CAMK2A: variants seen among roughly 807,000 people sequenced by gnomAD.
The protein encoded by CAMK2A is calcium/calmodulin-dependent protein kinase type II subunit alpha.
A neutral mutation model predicts 79.2 loss-of-function variants in CAMK2A; 7 were observed. The ratio of observed to expected loss-of-function variants is 0.09; its 90% CI spans 0.05 to 0.17. The LOEUF (loss-of-function observed/expected upper bound fraction) is 0.17, where lower values mean the gene tolerates loss of function less well. Ranked by LOEUF, CAMK2A falls within the 10% of genes least tolerant of loss-of-function variation. The pLI is 1.00. For missense variants in CAMK2A, 214 were observed against 646.4 expected, an observed-to-expected ratio of 0.33 and a Z score of 7.25; for synonymous variants, 242 against 251.7, an observed-to-expected ratio of 0.96 and a Z score of 0.36.
intron 6 of CAMK2A, among the ~76,000 whole-genome samples, chr5:150,254,008 G>A (rs1755949321): frequency 6.6e-6 from 1 of 152,184 alleles, no homozygotes; most frequent in African/African-American, 2.4e-5. Context: ...TATGCCCCTT[G>A]AAACAGTCCA....
At chr5:150,288,566 A>G (rs891048104) in intron 1 of CAMK2A, among the ~76,000 whole-genome samples, 1 of 152,170 alleles carries the variant, frequency 6.6e-6, no homozygotes, top group Non-Finnish European at 1.5e-5. Flanking sequence ...ACACACATTC[A>G]GAACTCACAC....
intron 1 of CAMK2A, among the ~76,000 whole-genome samples, chr5:150,280,433 A>G (rs1223628680): frequency 1.3e-5 from 2 of 151,850 alleles, no homozygotes; most frequent in Non-Finnish European, 2.9e-5. Flanking sequence ...AAACAAAACA[A>G]CCGAGAACCT....
At chr5:150,233,823 A>T (rs1193554826) in intron 15 of CAMK2A, among the ~76,000 whole-genome samples, 1 of 151,688 alleles carries the variant, frequency 6.6e-6, no homozygotes, top group African/African-American at 2.4e-5. Context: ...TTTGTTTTTC[A>T]TTTTTTTGAG....
chr5:150,257,567 C>T lies in CAMK2A; in HGVS notation c.268G>A (p.Asp90Asn). Residue 90 changes from aspartate (D) to asparagine (N), a missense_variant, in exon 4 of 19, where the codon GAC becomes AAC. Physicochemically the swap from Asp to Asn is conservative, Grantham distance 23. Coordinates refer to ENST00000671881, the MANE Select transcript of CAMK2A (RefSeq NM_015981.4). ...CCAGGGCGGGGCCAAACTCACAGGT[C>T]GAAGATCAGGTAGTGGTGTCCCTCC... ...SEEGHHYLIF[D>N]LVTGGELFED... The T allele has an allele frequency of 6.4e-7, 1 of 1,567,468 alleles. No homozygotes were observed. Among genetic ancestry groups the T allele is most frequent in the Non-Finnish European group, 8.6e-7 (1 of 1,156,118 alleles).
intron 12 of CAMK2A, among the ~76,000 whole-genome samples, chr5:150,247,470 C>T (rs992044939): frequency 1.3e-5 from 2 of 152,246 alleles, no homozygotes; most frequent in African/African-American, 4.8e-5. Flanking sequence ...AACTCAATCC[C>T]CTGCAATCAG....
At chr5:150,243,770 T>A (rs952436152) in intron 13 of CAMK2A, among the ~76,000 whole-genome samples, 4 of 152,278 alleles carry the variant, frequency 2.6e-5, no homozygotes, top group African/African-American at 9.6e-5. Flanking sequence ...GAGGTGGAGA[T>A]CTCTTTTAAC....
chr5:150,263,331 AAC>A (rs908422034), intron 3 of CAMK2A, among the ~76,000 whole-genome samples: 7 of 151,962 alleles, frequency 4.6e-5, no homozygotes, highest in Admixed American at 2.0e-4. Context: ...GTTGTGCAGC[AAC>A]ACACACACAC....
At chr5:150,287,937 C>CTGTTTG (rs1554125200) in intron 1 of CAMK2A, among the ~76,000 whole-genome samples, 2 of 140,776 alleles carry the variant, frequency 1.4e-5, no homozygotes, top group East Asian at 4.3e-4. Context: ...AGGATAGCCT[C>CTGTTTG]TGTGTGTGTG....
In CAMK2A at chr5:150,264,977, G is replaced by T; in HGVS notation, c.196C>A (p.Leu66Met). ...TCACCGATGTTGGGGTGCTTCAGCA[G>T]GCGGCAGATGCGGGCTTCACGCTCC... is the stretch of plus-strand genomic sequence containing the variant. ...KLEREARICR[L>M]LKHPNIVRLH... The change falls in exon 3 of 19, where the codon CTG becomes ATG. Residue 66 changes from leucine to methionine, a missense_variant. This residue lies in a region of CAMK2A where 72 missense variants were observed against 333.9 expected (regional missense o/e 0.22). Coordinates refer to ENST00000671881, the MANE Select transcript of CAMK2A (RefSeq NM_015981.4). 6.2e-7 allele frequency: 1 copy of T among 1,614,068 alleles called. No homozygotes were observed. Among genetic ancestry groups the T allele is most frequent in the African/African-American group, 1.3e-5 (1 of 75,048 alleles).
chr5:150,222,960 C>T (rs768303500), intron 18 of CAMK2A, 29 bp downstream of exon 18: 2 of 1,594,170 alleles, frequency 1.3e-6, no homozygotes, highest in Admixed American at 1.7e-5. Flanking sequence ...TTTACATTAC[C>T]CTGGGAGGCA....
chr5:150,241,374 CCT>C (rs1437293436), intron 13 of CAMK2A, among the ~76,000 whole-genome samples: 14 of 146,552 alleles, frequency 9.6e-5, no homozygotes, highest in African/African-American at 2.5e-4. Context: ...CCTCTCTTCC[CCT>C]GTCTCCTTCC....
Position 150,225,136 on chromosome 5 carries a change from A to G in CAMK2A, c.1238-1919T>C, listed in dbSNP as rs113229014. Among the ~76,000 whole-genome samples, 623 of 151,834 alleles carry G rather than the reference A, an allele frequency of 4.1e-3. 6 individuals are homozygous for G. The highest frequency in any genetic ancestry group is 4.5e-3 in the Non-Finnish European group (308 of 67,964). On this transcript the variant is annotated intron_variant, in intron 17 of 18. Coordinates refer to ENST00000671881, the MANE Select transcript of CAMK2A (RefSeq NM_015981.4). ...ATTAAAAAAAAAAAAGTCAGTTTCCAAGTGAGACTGCATTAGAACAATCTA... is the reference window on the plus strand; with the variant it reads ...ATTAAAAAAAAAAAAGTCAGTTTCCGAGTGAGACTGCATTAGAACAATCTA...
Position 150,228,186 on chromosome 5 carries a change from G to A in CAMK2A, c.1237+6C>T. The stretch of plus-strand genomic sequence containing the variant: ...ACAGGCACCACAGAGAGAAGGAATT[G>A]CTCACGGTTTTCAAAATAGAATCGA... On this transcript the variant is annotated splice_donor_region_variant and intron_variant, in intron 17 of 18. Coordinates refer to ENST00000671881, the MANE Select transcript of CAMK2A (RefSeq NM_015981.4). The A allele has an allele frequency of 6.2e-7, 1 of 1,609,458 alleles. No individual in the cohort carries two copies. The highest frequency in any genetic ancestry group is 8.5e-7 in the Non-Finnish European group (1 of 1,176,220).
chr5:150,263,438 AT>A (rs1385912739), intron 3 of CAMK2A, among the ~76,000 whole-genome samples: 3 of 151,418 alleles, frequency 2.0e-5, no homozygotes, highest in Non-Finnish European at 4.4e-5. Context: ...TCACACACAC[AT>A]TCACACACTC....
intron 2 of CAMK2A, among the ~76,000 whole-genome samples, chr5:150,268,854 G>A (rs1756620018): frequency 6.6e-6 from 1 of 152,100 alleles, no homozygotes; most frequent in Non-Finnish European, 1.5e-5. Context: ...CTACTTCCTG[G>A]GCTCAGGTGA....
intron 15 of CAMK2A, among the ~76,000 whole-genome samples, chr5:150,232,641 G>A (rs573801693): frequency 6.6e-6 from 1 of 152,164 alleles, no homozygotes; most frequent in Non-Finnish European, 1.5e-5. Context: ...GTTGTCTCAG[G>A]TGAATAGATG....
rs763747605 is a variant in CAMK2A, at chr5:150,223,255, C to G, written c.1238-38G>C. 5.2e-6 allele frequency: 8 copies of G among 1,526,444 alleles called. No homozygotes were observed. Among genetic ancestry groups the G allele is most frequent in the Admixed American group, 1.7e-5 (1 of 58,578 alleles). 94.6% of individuals were successfully genotyped at this position (1,526,444 alleles called of 1,614,324 possible). On this transcript the variant is annotated intron_variant, in intron 17 of 18. Transcript: ENST00000671881. The surrounding 1 kb of genome is among the most constrained non-coding windows in gnomAD (Gnocchi z 4.1). Reference sequence around the variant, plus strand: ...ATGGGAGGGGCAGAGGAGATGCAACCGGGGGCCTCCTGTCTCACTTTCTTC... The same window carrying G: ...ATGGGAGGGGCAGAGGAGATGCAACGGGGGGCCTCCTGTCTCACTTTCTTC...
intron 10 of CAMK2A, 96 bp from the exon 11 acceptor site, chr5:150,250,405 T>C: frequency 9.6e-7 from 1 of 1,039,480 alleles, no homozygotes; most frequent in Admixed American, 1.8e-5. Flanking sequence ...AATGGAGGTG[T>C]GGTTGACATC....
chr5:150,234,870 C>T (rs1413797936), intron 15 of CAMK2A, among the ~76,000 whole-genome samples: 4 of 152,176 alleles, frequency 2.6e-5, no homozygotes, highest in Non-Finnish European at 4.4e-5. Context: ...TTCCAAAACC[C>T]GCTAGATACA....
Sources: gnomAD v4.1 joint callset for allele counts (sites outside exome capture counted in the v4.1 genomes callset) on GRCh38, gnomAD v4.1.1 for gene constraint, gnomAD v4.1.1 regional missense constraint, Gnocchi (gnomAD v3.1) non-coding constraint, MANE v1.5 for transcripts, NCBI Gene and HGNC (gene_info 2026-07-23, HGNC 2026-07-21) for gene names.